AVEN: variants seen among roughly 807,000 people sequenced by gnomAD.
The protein encoded by AVEN is cell death regulator Aven.
Under a neutral mutation model 38.1 loss-of-function variants are expected in AVEN, and 41 were observed. The ratio of observed to expected loss-of-function variants is 1.08; its 90% confidence interval spans 0.84 to 1.40. The LOEUF is 1.40. AVEN is among the 40% of genes most tolerant of loss of function. The probability of loss-of-function intolerance (pLI) is 0.00; values close to 1 mark genes in which losing one functional copy is unlikely to be tolerated. For missense variants in AVEN, 605 were observed against 438.8 expected (o/e 1.38, Z -3.38); for synonymous variants, 206 against 171.8 (o/e 1.20, Z -1.56).
chr15:33,999,605 C>T lies in AVEN; in HGVS notation c.445+3427G>A, dbSNP rs145686610. 2.4e-4 allele frequency among the ~76,000 whole-genome samples: 36 copies of T among 152,298 alleles called. No homozygotes were observed. The East Asian group carries it at 5.8e-3, about 24-fold the overall frequency. On this transcript the variant is annotated intron_variant, in intron 2 of 5. Coordinates refer to ENST00000306730, the MANE Select transcript of AVEN (RefSeq NM_020371.3). ...TCCTTACGTATCTTTTTCTCTCATA[C>T]CCAGCATTTGCAAGTGCTCTCTGCT...
At chr15:33,896,197 T>C (rs774666282) in intron 2 of AVEN, among the ~76,000 whole-genome samples, 14 of 152,192 alleles carry the variant, frequency 9.2e-5, no homozygotes, top group Non-Finnish European at 4.4e-5. Context: ...ATTTCTGATA[T>C]GCCATCAAAA....
chr15:33,873,540 A>G (rs1891091291), intron 3 of AVEN, among the ~76,000 whole-genome samples: 1 of 148,176 alleles, frequency 6.7e-6, no homozygotes, highest in Admixed American at 6.8e-5. Context: ...TATTATATAT[A>G]TGCACTCAAT....
chr15:34,029,802 A>C (rs1898685154), intron 1 of AVEN, among the ~76,000 whole-genome samples: 1 of 152,212 alleles, frequency 6.6e-6, no homozygotes, highest in Admixed American at 6.5e-5. Context: ...CTTCTTTAAT[A>C]ATATAAGACT....
At chr15:34,009,286 G>A (rs1422738775) in intron 1 of AVEN, among the ~76,000 whole-genome samples, 4 of 151,924 alleles carry the variant, frequency 2.6e-5, no homozygotes, top group African/African-American at 9.7e-5. Flanking sequence ...AAAAACAAGT[G>A]GTCCTAAACA....
intron 2 of AVEN, among the ~76,000 whole-genome samples, chr15:33,915,612 G>T (rs980203962): frequency 5.9e-5 from 9 of 152,186 alleles, no homozygotes; most frequent in African/African-American, 1.9e-4. Context: ...CAAGGAGAAG[G>T]GAACTTCCAG....
At chr15:33,942,256 A>G (rs1309628543) in intron 2 of AVEN, among the ~76,000 whole-genome samples, 1 of 152,120 alleles carries the variant, frequency 6.6e-6, no homozygotes, top group Non-Finnish European at 1.5e-5. Flanking sequence ...ATTTTTTTAT[A>G]TATTAATGCC....
At position 33,859,650 on chromosome 15, in the gene AVEN, G is replaced by C. The variant is rs569879011; in HGVS notation, n.2730-556C>G. On this transcript the variant is annotated intron_variant and non_coding_transcript_variant, in intron 11 of 11. Transcript: ENST00000675287. ...TGATGAAATTGAAGACCCTGCTGGT[G>C]ATCCTTATGAAATGTATCGCATTGT... 369 of 1,613,854 alleles carry C rather than the reference G, an allele frequency of 2.3e-4. 2 individuals carry two copies. In the South Asian group the frequency reaches 3.8e-3, roughly 17 times the overall value.
intron 5 of AVEN, among the ~76,000 whole-genome samples, chr15:34,046,280 G>A (rs1320480804): frequency 6.7e-6 from 1 of 149,846 alleles, no homozygotes; most frequent in Non-Finnish European, 1.5e-5. Context: ...AAATCTTTTT[G>A]TGGAAAGATC....
At chr15:34,018,798 G>A (rs563346218) in intron 1 of AVEN, among the ~76,000 whole-genome samples, 1 of 152,326 alleles carries the variant, frequency 6.6e-6, no homozygotes, top group South Asian at 2.1e-4. Flanking sequence ...GTGCTGATTG[G>A]TGCATTTACA....
At chr15:34,057,306 T>TTG (rs1156708771) in intron 5 of AVEN, among the ~76,000 whole-genome samples, 1 of 150,894 alleles carries the variant, frequency 6.6e-6, no homozygotes, top group Admixed American at 6.6e-5. Context: ...CCAGCTAATT[T>TTG]TTTTTTTTTG....
intron 2 of AVEN, among the ~76,000 whole-genome samples, chr15:33,882,868 A>C (rs1891548735): frequency 6.6e-6 from 1 of 152,188 alleles, no homozygotes; most frequent in South Asian, 2.1e-4. Flanking sequence ...ACAAGACCCA[A>C]GACCCTGTCT....
At position 34,039,148 on chromosome 15, in the gene AVEN, G is replaced by T; in HGVS notation, c.-102C>A. The T allele has an allele frequency of 1.0e-6, 1 of 970,658 alleles. No homozygotes were observed. Among genetic ancestry groups the T allele is most frequent in the Non-Finnish European group, 1.2e-6 (1 of 805,456 alleles). 60.1% of individuals were successfully genotyped at this position (970,658 alleles called of 1,614,324 possible). ...CGCACGGAGGAGCCGCGAGCGAAAG[G>T]CGCCCGGTAGCAGCGAGGCGCGGGG... On this transcript the variant is annotated 5_prime_UTR_variant, in exon 1 of 6. Transcript: ENST00000306730.
intron 2 of AVEN, among the ~76,000 whole-genome samples, chr15:33,922,305 G>A (rs533844220): frequency 6.6e-6 from 1 of 152,302 alleles, no homozygotes; most frequent in Non-Finnish European, 1.5e-5. Flanking sequence ...GCATCCTAGT[G>A]CAGCTAGAGA....
chr15:33,902,036 T>A (rs1892516802), intron 2 of AVEN, among the ~76,000 whole-genome samples: 5 of 152,216 alleles, frequency 3.3e-5, no homozygotes. Context: ...TTTGATATAG[T>A]TCATGTATTT....
chr15:33,925,588 C>A (rs1349207661), intron 2 of AVEN, among the ~76,000 whole-genome samples: 1 of 152,162 alleles, frequency 6.6e-6, no homozygotes, highest in African/African-American at 2.4e-5. Context: ...CTGTTAATTG[C>A]ATAAGACACT....
chr15:33,851,950 G>C, the AVEN span: 1 of 151,272 alleles, frequency 6.6e-6, no homozygotes, highest in Admixed American at 6.6e-5. Context: ...ACCAGCATTT[G>C]TTTTTGCTTT....
chr15:33,920,161 C>T (rs1405404448), intron 2 of AVEN, among the ~76,000 whole-genome samples: 2 of 152,146 alleles, frequency 1.3e-5, no homozygotes, highest in Non-Finnish European at 2.9e-5. Flanking sequence ...CCATGCAATG[C>T]AGATTTGTCC....
intron 1 of AVEN, among the ~76,000 whole-genome samples, chr15:34,013,711 C>T (rs1277743318): frequency 6.6e-6 from 1 of 152,082 alleles, no homozygotes; most frequent in South Asian, 2.1e-4. Flanking sequence ...CAAGATGTTA[C>T]GGAAGCACAG....
chr15:33,928,204 T>C (rs1893703143), intron 2 of AVEN, among the ~76,000 whole-genome samples: 2 of 152,204 alleles, frequency 1.3e-5, no homozygotes, highest in African/African-American at 2.4e-5. Context: ...ATAAAACTCA[T>C]AATGAGCCAC....
Sources: allele counts gnomAD v4.1 joint callset (sites outside exome capture counted in the v4.1 genomes callset), GRCh38; gene constraint gnomAD v4.1.1; transcripts MANE v1.5; gene names NCBI Gene and HGNC (gene_info 2026-07-23, HGNC 2026-07-21).